RPS6KA6: variants seen among roughly 807,000 people sequenced by gnomAD.
The protein encoded by RPS6KA6 is ribosomal protein S6 kinase A6, also known as ribosomal protein S6 kinase alpha-6.
In RPS6KA6, 27 loss-of-function variants were observed where a neutral mutation model predicts 65.4. The observed-to-expected ratio is 0.41, with a 90% CI of 0.30 to 0.57. The LOEUF (loss-of-function observed/expected upper bound fraction) is 0.57. RPS6KA6 is among the 20% of genes least tolerant of loss of function. The pLI is 0.24. For synonymous variants in RPS6KA6, 190 were observed against 184.2 expected, an observed-to-expected ratio of 1.03 and a Z score of -0.26; for missense variants, 486 against 555.6, an observed-to-expected ratio of 0.87 and a Z score of 1.26.
At chrX:84,186,528 G>GT (rs771646203) in intron 1 of RPS6KA6, among the ~76,000 whole-genome samples, 8 of 111,629 alleles carry the variant, frequency 7.2e-5, no homozygotes, top group African/African-American at 9.8e-5. Context: ...AATATTTCCT[G>GT]TAAGTATAGA....
intron 8 of RPS6KA6, among the ~76,000 whole-genome samples, chrX:84,121,455 C>T (rs1281410871): frequency 2.7e-5 from 3 of 112,269 alleles, no homozygotes; most frequent in Non-Finnish European, 5.6e-5. Flanking sequence ...CAGAACAATG[C>T]TACCCTTTTT....
chrX:84,179,276 G>A (rs769145129), intron 1 of RPS6KA6, among the ~76,000 whole-genome samples: 32 of 111,209 alleles, frequency 2.9e-4, no homozygotes, highest in South Asian at 1.5e-3. Context: ...CTAAGTGCTG[G>A]CAAGTACTCA....
intron 8 of RPS6KA6, among the ~76,000 whole-genome samples, chrX:84,127,787 A>T (rs1360442603): frequency 9.1e-6 from 1 of 110,248 alleles, no homozygotes; most frequent in East Asian, 2.8e-4. Context: ...TAAAAAAAAA[A>T]ACCCTCAGAA....
chrX:84,122,448 A>C (rs770868616), intron 8 of RPS6KA6, among the ~76,000 whole-genome samples: 56 of 91,627 alleles, frequency 6.1e-4, no homozygotes, highest in Non-Finnish European at 9.3e-4. Flanking sequence ...CTCCTGCCTC[A>C]GCCTCCTGAG....
At chrX:84,075,655 A>T (rs2033649468) in intron 20 of RPS6KA6, among the ~76,000 whole-genome samples, 1 of 111,219 alleles carries the variant, frequency 9.0e-6, no homozygotes, top group African/African-American at 3.3e-5. Flanking sequence ...AAAAAAGGAC[A>T]TGTTACATGT....
intron 1 of RPS6KA6, among the ~76,000 whole-genome samples, chrX:84,169,872 T>C (rs923752734): frequency 1.8e-5 from 2 of 110,975 alleles, no homozygotes; most frequent in Non-Finnish European, 3.8e-5. Flanking sequence ...AAAATCAACC[T>C]AGTAAAAAAA....
Position 84,187,992 on chromosome X carries a change from C to G in RPS6KA6, c.-93G>C, listed in dbSNP as rs1030931711. On this transcript the variant is annotated 5_prime_UTR_variant, in exon 1 of 22. Coordinates refer to ENST00000262752, the MANE Select transcript of RPS6KA6 (RefSeq NM_014496.5). ...TGAACTGGCCCGCCGCCGCCGCCGC[C>G]GCCGCCGCCGCCGCCGCGACCCCCA... 1.8e-5 allele frequency: 11 copies of G among 620,111 alleles called. No individual in the cohort carries two copies. Among genetic ancestry groups the G allele is most frequent in the Non-Finnish European group, 2.4e-5 (11 of 462,868 alleles). The allele number at this position is 620,111 out of a possible 1,213,427, so 51.1% of individuals were successfully genotyped here.
At chrX:84,074,139 T>C (rs1039066398) in intron 20 of RPS6KA6, among the ~76,000 whole-genome samples, 1 of 112,231 alleles carries the variant, frequency 8.9e-6, no homozygotes, top group Non-Finnish European at 1.9e-5. Flanking sequence ...CACCAACAGA[T>C]AGTGGATTAT....
At chrX:84,083,510 T>C (rs975208024) in intron 20 of RPS6KA6, among the ~76,000 whole-genome samples, 13 of 112,265 alleles carry the variant, frequency 1.2e-4, no homozygotes, top group Non-Finnish European at 3.8e-5. Flanking sequence ...GTTAGTTTGC[T>C]AAAAATAATG....
At chrX:84,077,835 T>C (rs1422650714) in intron 20 of RPS6KA6, among the ~76,000 whole-genome samples, 2 of 111,758 alleles carry the variant, frequency 1.8e-5, no homozygotes, top group East Asian at 2.8e-4. Flanking sequence ...CAGGAAAAGA[T>C]AACAATTCAA....
intron 1 of RPS6KA6, 88 bp downstream of exon 1, chrX:84,187,731 T>C: frequency 5.3e-6 from 5 of 950,226 alleles, no homozygotes; most frequent in Non-Finnish European, 7.3e-6. Flanking sequence ...TTCCCGGCCC[T>C]ACGCCTCTCC....
intron 6 of RPS6KA6, among the ~76,000 whole-genome samples, chrX:84,136,475 T>A (rs2034993737): frequency 9.0e-6 from 1 of 111,454 alleles, no homozygotes; most frequent in Admixed American, 9.6e-5. Flanking sequence ...TTTGGGAGCA[T>A]TAATTTGAAT....
intron 1 of RPS6KA6, among the ~76,000 whole-genome samples, chrX:84,181,595 C>T (rs1162985717): frequency 9.0e-6 from 1 of 111,094 alleles, no homozygotes; most frequent in Admixed American, 9.6e-5. Flanking sequence ...TCTTTTTTTA[C>T]TTTGGCCTAG....
chrX:84,104,783 T>C, intron 16 of RPS6KA6, 126 bp from the exon 17 acceptor site: 1 of 423,224 alleles, frequency 2.4e-6, no homozygotes, highest in Non-Finnish European at 3.7e-6. Context: ...AAAAAAGACA[T>C]TATTCCTTTA....
chrX:84,101,495 C>G (rs1187139329), intron 18 of RPS6KA6, among the ~76,000 whole-genome samples: 2 of 110,715 alleles, frequency 1.8e-5, no homozygotes, highest in Admixed American at 9.7e-5. Context: ...AAAATCCCCA[C>G]GGCTTACAAA....
At chrX:84,094,050 T>TGTTA (rs2034100740) in intron 20 of RPS6KA6, among the ~76,000 whole-genome samples, 1 of 110,889 alleles carries the variant, frequency 9.0e-6, no homozygotes, top group Non-Finnish European at 1.9e-5. Flanking sequence ...TCTGTTTGTT[T>TGTTA]GTTTGTTTGT....
rs182669536 is a variant in RPS6KA6 at position 84,174,571 on chromosome X, A to G, written c.82-10184T>C. Among the ~76,000 whole-genome samples, 370 of 112,220 alleles carry G rather than the reference A, an allele frequency of 3.3e-3. 4 individuals carry two copies. Among genetic ancestry groups the G allele is most frequent in the Non-Finnish European group, 5.8e-3 (311 of 53,178 alleles). On this transcript the variant is annotated intron_variant, in intron 1 of 21. Transcript: ENST00000262752. ...GCTGGTAAAACATATCCATGTTCAA[A>G]TTAAGGCATAAAACCAAGTCCAAAG... is the stretch of plus-strand genomic sequence containing the variant.
chrX:84,106,307 C>G, intron 15 of RPS6KA6, 58 bp downstream of exon 15: 2 of 1,075,124 alleles, frequency 1.9e-6, no homozygotes, highest in Non-Finnish European at 2.5e-6. Context: ...TGTCAGTTGA[C>G]TCATAATTTA....
chrX:84,064,304 C>T lies in RPS6KA6; in HGVS notation c.2211G>A (p.Met737Ile). Residue 737 changes from methionine to isoleucine, a missense_variant, in exon 22 of 22, where the codon ATG becomes ATA. Transcript: ENST00000262752. ...ACAGGCCAGTTGATGTTCGCTTTTT[C>T]ATGCTCCGTCGCTGGGCTAAGCTTG... is the stretch of plus-strand genomic sequence containing the variant. Reference protein sequence around the residue: ...AASSLAQRRSMKKRTSTGL With the variant: ...AASSLAQRRSIKKRTSTGL The T allele has an allele frequency of 2.5e-6, 3 of 1,208,337 alleles. No individual in the cohort carries two copies. The highest frequency in any genetic ancestry group is 3.4e-6 in the Non-Finnish European group (3 of 893,788).
Sources: gnomAD v4.1 joint callset for allele counts (sites outside exome capture counted in the v4.1 genomes callset) on GRCh38, gnomAD v4.1.1 for gene constraint, MANE v1.5 for transcripts, NCBI Gene and HGNC (gene_info 2026-07-23, HGNC 2026-07-21) for gene names.